Variants in GLI3 observed in about 807,000 individuals in gnomAD.
GLI3 encodes transcription activator GLI3.
A neutral mutation model predicts 100.8 loss-of-function variants in GLI3; 20 were observed. The observed-to-expected ratio is 0.20, with a 90% CI of 0.14 to 0.29. The LOEUF (loss-of-function observed/expected upper bound fraction) is 0.29. GLI3 is among the 10% of genes least tolerant of loss of function. The pLI is 1.00. For synonymous variants in GLI3, 938 were observed against 860.5 expected (o/e 1.09, Z -1.58); for missense variants, 2,040 against 2,128.5 (o/e 0.96, Z 0.82).
chr7:42,202,319 G>GTCTCTCTC (rs35402770), intron 2 of GLI3, among the ~76,000 whole-genome samples: 4 of 124,812 alleles, frequency 3.2e-5, no homozygotes, highest in African/African-American at 1.2e-4. Flanking sequence ...CATAGAATCT[G>GTCTCTCTC]TCTCTCTCTC....
At chr7:42,144,638 T>C (rs559307688) in intron 3 of GLI3, among the ~76,000 whole-genome samples, 4 of 152,256 alleles carry the variant, frequency 2.6e-5, no homozygotes, top group African/African-American at 9.6e-5. Flanking sequence ...AATAAAATCT[T>C]GTGCAATAAA....
At chr7:41,992,949 G>T (rs1303942580) in intron 10 of GLI3, among the ~76,000 whole-genome samples, 1 of 152,194 alleles carries the variant, frequency 6.6e-6, no homozygotes, top group East Asian at 1.9e-4. Context: ...GTTGCAAATA[G>T]AAATCAATAT....
intron 3 of GLI3, among the ~76,000 whole-genome samples, chr7:42,082,145 G>T (rs1785008571): frequency 6.6e-6 from 1 of 151,780 alleles, no homozygotes; most frequent in African/African-American, 2.4e-5. Flanking sequence ...TCTCAAGCAG[G>T]AGAGGGAGAG....
intron 7 of GLI3, among the ~76,000 whole-genome samples, chr7:42,034,534 C>T (rs556805010): frequency 3.3e-5 from 5 of 152,240 alleles, no homozygotes; most frequent in South Asian, 4.1e-4. Context: ...CTGCCTGTGT[C>T]GCCAACCTTG....
At chr7:42,209,904 C>T (rs972941549) in intron 2 of GLI3, among the ~76,000 whole-genome samples, 1 of 134,074 alleles carries the variant, frequency 7.5e-6, no homozygotes, top group Non-Finnish European at 1.5e-5. Flanking sequence ...CTAAATTTTC[C>T]AAGTGAAAGT....
intron 3 of GLI3, among the ~76,000 whole-genome samples, chr7:42,109,731 G>A (rs916440642): frequency 1.3e-5 from 2 of 152,144 alleles, no homozygotes; most frequent in African/African-American, 2.4e-5. Context: ...ATGAAGAGAC[G>A]CCTACTGACA....
intron 1 of GLI3, among the ~76,000 whole-genome samples, chr7:42,232,490 C>T (rs1226670461): frequency 6.6e-6 from 1 of 151,734 alleles, no homozygotes; most frequent in East Asian, 1.9e-4. Context: ...ATGGCTGGGC[C>T]CGGGCAGACA....
At chr7:42,034,131 A>G (rs1230812178) in intron 7 of GLI3, among the ~76,000 whole-genome samples, 2 of 152,216 alleles carry the variant, frequency 1.3e-5, no homozygotes, top group African/African-American at 4.8e-5. Context: ...ATGTGGTTAG[A>G]AAAATCATGT....
chr7:42,221,401 A>G (rs545707548), intron 2 of GLI3, among the ~76,000 whole-genome samples: 34 of 152,330 alleles, frequency 2.2e-4, no homozygotes, highest in African/African-American at 7.7e-4. Flanking sequence ...ATCTTCTGCC[A>G]TGCACTTGTT....
intron 10 of GLI3, among the ~76,000 whole-genome samples, chr7:42,020,496 ATCTT>A (rs1463359539): frequency 6.6e-6 from 1 of 152,164 alleles, no homozygotes; most frequent in African/African-American, 2.4e-5. Flanking sequence ...AGAATCATGA[ATCTT>A]TCTATTAACT....
At chr7:42,150,509 C>T (rs1346715685) in intron 2 of GLI3, among the ~76,000 whole-genome samples, 1 of 152,138 alleles carries the variant, frequency 6.6e-6, no homozygotes, top group Non-Finnish European at 1.5e-5. Context: ...CTAATTTGTG[C>T]TCTGTATAAA....
chr7:42,151,083 T>C (rs1178877001), intron 2 of GLI3, among the ~76,000 whole-genome samples: 1 of 152,200 alleles, frequency 6.6e-6, no homozygotes, highest in African/African-American at 2.4e-5. Flanking sequence ...ATTCCCTTAG[T>C]AAAGTTAAAT....
chr7:42,211,242 G>C (rs1481168360), intron 2 of GLI3, among the ~76,000 whole-genome samples: 1 of 151,890 alleles, frequency 6.6e-6, no homozygotes, highest in Non-Finnish European at 1.5e-5. Context: ...GAGGGCACAT[G>C]TTTTCTATAA....
upstream of GLI3, among the ~76,000 whole-genome samples, chr7:42,241,352 T>G (rs1009813837): frequency 7.2e-5 from 11 of 152,184 alleles, no homozygotes; most frequent in African/African-American, 2.7e-4. Context: ...GGCTCACCTC[T>G]CTAGGTTTCC....
Position 41,966,190 on chromosome 7 carries a change from C to A in GLI3, c.2883G>T (p.Gly961=), listed in dbSNP as rs994839671. ...GGGCCACGCCAGGCTCGAGGGCATC[C>A]CCGAGCAGCGCCAGGCGCGTCTTCA... ...MSLKTRLALL[G]DALEPGVALP... The change falls in exon 15 of 15, where the codon GGG becomes GGT. Residue 961 remains glycine (G), a synonymous_variant. Coordinates refer to ENST00000395925, the MANE Select transcript of GLI3 (RefSeq NM_000168.6). This position sits in a 1 kb window ranked among gnomAD's most constrained non-coding sequence, Gnocchi z 5.8. 2 of 1,604,836 alleles carry A rather than the reference C, an allele frequency of 1.2e-6. No homozygotes were observed. Among genetic ancestry groups the A allele is most frequent in the Non-Finnish European group, 1.7e-6 (2 of 1,178,008 alleles).
intron 13 of GLI3, among the ~76,000 whole-genome samples, chr7:41,969,297 C>T (rs981871840): frequency 3.3e-5 from 5 of 152,184 alleles, no homozygotes; most frequent in Non-Finnish European, 7.3e-5. Context: ...ACACGGACAG[C>T]AGCCGAAAGG....
intron 4 of GLI3, among the ~76,000 whole-genome samples, chr7:42,055,020 C>T (rs11767745): frequency 5.6e-5 from 8 of 144,084 alleles, no homozygotes; most frequent in African/African-American, 1.0e-4. Context: ...TACCTATATA[C>T]ATATACACAT....
intron 2 of GLI3, among the ~76,000 whole-genome samples, chr7:42,214,257 C>A (rs935503711): frequency 6.6e-6 from 1 of 152,098 alleles, no homozygotes; most frequent in Admixed American, 6.6e-5. Flanking sequence ...ACCTGCCTGG[C>A]GAATGATGAG....
chr7:42,148,162 CA>C (rs1786765331), intron 3 of GLI3, 63 bp downstream of exon 3: 1 of 1,528,420 alleles, frequency 6.5e-7, no homozygotes, highest in Admixed American at 1.9e-5. Flanking sequence ...CACACACACA[CA>C]CACACACACA....
Sources: allele counts gnomAD v4.1 joint callset (sites outside exome capture counted in the v4.1 genomes callset), GRCh38; gene constraint gnomAD v4.1.1; non-coding constraint Gnocchi (gnomAD v3.1); transcripts MANE v1.5; gene names NCBI Gene and HGNC (gene_info 2026-07-23, HGNC 2026-07-21).